Variants in RPS6KB1 observed in about 807,000 individuals in gnomAD.
The protein encoded by RPS6KB1 is ribosomal protein S6 kinase B1.
In RPS6KB1, 12 loss-of-function variants were observed where a neutral mutation model predicts 70.2. The ratio of observed to expected loss-of-function variants is 0.17; its 90% CI spans 0.11 to 0.28. The LOEUF is 0.28. Ranked by LOEUF, RPS6KB1 falls within the 10% of genes least tolerant of loss-of-function variation. The pLI is 1.00. For missense variants in RPS6KB1, 270 were observed against 646.6 expected, an observed-to-expected ratio of 0.42 and a Z score of 6.32; for synonymous variants, 175 against 211.2, an observed-to-expected ratio of 0.83 and a Z score of 1.49.
intron 14 of RPS6KB1, among the ~76,000 whole-genome samples, chr17:59,945,845 A>G (rs562522987): frequency 6.6e-6 from 1 of 152,318 alleles, no homozygotes; most frequent in East Asian, 1.9e-4. Flanking sequence ...TAATACAGGA[A>G]TTGTCCCTGT....
chr17:59,935,179 T>G lies in RPS6KB1; in HGVS notation c.871-14T>G, dbSNP rs768021982. ...TCTCCCTGCTAATATTTTTCACTTG[T>G]CTTCTACTCTTAGCCCCCATTCACT... On this transcript the variant is annotated splice_polypyrimidine_tract_variant and intron_variant, in intron 9 of 14. Coordinates refer to ENST00000225577, the MANE Select transcript of RPS6KB1 (RefSeq NM_003161.4). The G allele has an allele frequency of 1.3e-6, 2 of 1,517,084 alleles. No individual in the cohort carries two copies. The highest frequency in any genetic ancestry group is 4.5e-5 in the East Asian group (2 of 44,314). The allele number at this position is 1,517,084 out of a possible 1,614,324, so 94.0% of individuals were successfully genotyped here. A position where few individuals can be genotyped will look rare whatever the true frequency, so the allele number is the denominator to read the frequency against.
In RPS6KB1 at chr17:59,914,619, C is replaced by G; in HGVS notation, c.313-16C>G. The G allele has an allele frequency of 6.2e-7, 1 of 1,605,200 alleles. No individual in the cohort carries two copies. Among genetic ancestry groups the G allele is most frequent in the Non-Finnish European group, 8.5e-7 (1 of 1,172,954 alleles). On this transcript the variant is annotated splice_polypyrimidine_tract_variant and intron_variant, in intron 3 of 14. Coordinates refer to ENST00000225577, the MANE Select transcript of RPS6KB1 (RefSeq NM_003161.4). ...ATAGTTTGCCTTTGAATAACACACA[C>G]TTTTTTTTAATCCAGGTTTTTCAAG...
In RPS6KB1 at chr17:59,936,215, C is replaced by T. The variant is rs1221786696; in HGVS notation, c.979C>T (p.Leu327=). Residue 327 remains leucine (L), a splice_region_variant and synonymous_variant, in exon 11 of 15, where the codon CTG becomes TTG. Coordinates refer to ENST00000225577, the MANE Select transcript of RPS6KB1 (RefSeq NM_003161.4). ...TQEARDLLKK[L]LKRNAASRLG... The stretch of plus-strand genomic sequence containing the variant: ...TCCAAGCTTTTTTTCCTCTTTAAAG[C>T]TGCTGAAAAGAAATGCTGCTTCTCG... 1.3e-6 allele frequency: 2 copies of T among 1,593,548 alleles called. No individual in the cohort carries two copies. Among genetic ancestry groups the T allele is most frequent in the Non-Finnish European group, 1.7e-6 (2 of 1,175,106 alleles).
chr17:59,939,119 T>C (rs2044428599), intron 12 of RPS6KB1, among the ~76,000 whole-genome samples: 1 of 152,210 alleles, frequency 6.6e-6, no homozygotes, highest in Non-Finnish European at 1.5e-5. Flanking sequence ...TGTTTGATTC[T>C]TTCCTAGTTT....
chr17:59,897,092 G>A (rs2041608733), intron 1 of RPS6KB1, among the ~76,000 whole-genome samples: 1 of 152,182 alleles, frequency 6.6e-6, no homozygotes, highest in Admixed American at 6.6e-5. Context: ...CCATATGATA[G>A]CCAAAGATCA....
At chr17:59,912,837 C>A in intron 3 of RPS6KB1, 33 bp downstream of exon 3, 1 of 1,610,506 alleles carries the variant, frequency 6.2e-7, no homozygotes, top group South Asian at 1.1e-5. Context: ...GAGCTGTTGT[C>A]TGTCTTGAAT....
At position 59,934,027 on chromosome 17, in the gene RPS6KB1, GGTAC is replaced by G. The variant is rs982264102; in HGVS notation, c.689-142_689-139del. 5.3e-5 allele frequency: 34 copies of G among 639,804 alleles called. No homozygotes were observed. The African/African-American group carries it at 5.7e-4, about 11-fold the overall frequency. 39.6% of individuals were successfully genotyped at this position (639,804 alleles called of 1,614,324 possible). On this transcript the variant is annotated intron_variant, in intron 7 of 14. Coordinates refer to ENST00000225577, the MANE Select transcript of RPS6KB1 (RefSeq NM_003161.4). This position sits in a 1 kb window ranked among gnomAD's most constrained non-coding sequence, Gnocchi z 4.8. Reference sequence around the variant, plus strand: ...ACAGTTAGCATCCCATTTTATGGATGGTACCTTGTTCTTGACATCTGCAAGAAAA... The same window carrying G: ...ACAGTTAGCATCCCATTTTATGGATGCTTGTTCTTGACATCTGCAAGAAAA...
At chr17:59,910,724 C>A in intron 2 of RPS6KB1, 113 bp downstream of exon 2, 1 of 675,352 alleles carries the variant, frequency 1.5e-6, no homozygotes, top group Non-Finnish European at 2.5e-6. Flanking sequence ...AATATGTAGT[C>A]ATATTTATCA....
At chr17:59,904,334 C>T (rs985121505) in intron 1 of RPS6KB1, among the ~76,000 whole-genome samples, 10 of 151,988 alleles carry the variant, frequency 6.6e-5, no homozygotes, top group African/African-American at 2.4e-4. Flanking sequence ...CCTCCTTGGC[C>T]TCCCAAAGTG....
intron 13 of RPS6KB1, among the ~76,000 whole-genome samples, chr17:59,944,202 C>A (rs576901112): frequency 9.5e-4 from 145 of 152,170 alleles, no homozygotes; most frequent in African/African-American, 3.3e-3. Context: ...TCACTCAGAG[C>A]TTTGCTGAGT....
At chr17:59,919,476 A>AT (rs1371154588) in intron 4 of RPS6KB1, among the ~76,000 whole-genome samples, 1 of 152,062 alleles carries the variant, frequency 6.6e-6, no homozygotes, top group African/African-American at 2.4e-5. Context: ...ATAAGTAAAT[A>AT]TTGTCTGTAG....
rs535213123 is a variant in RPS6KB1 at position 59,946,568 on chromosome 17, C to G, written c.1358C>G (p.Pro453Arg). The change falls in exon 15 of 15, where the codon CCT becomes CGT. Residue 453 changes from proline to arginine, a missense_variant. This residue lies in a region of RPS6KB1 where 133 missense variants were observed against 314.7 expected (regional missense o/e 0.42). Coordinates refer to ENST00000225577, the MANE Select transcript of RPS6KB1 (RefSeq NM_003161.4). This position sits in a 1 kb window ranked among gnomAD's most constrained non-coding sequence, Gnocchi z 4.2. ...RTPVSPVKFS[P>R]GDFWGRGASA... Reference sequence around the variant, plus strand: ...TCTTAAAGCCCAGTCAAATTTTCTCCTGGGGATTTCTGGGGAAGAGGTGCT... The same window carrying G: ...TCTTAAAGCCCAGTCAAATTTTCTCGTGGGGATTTCTGGGGAAGAGGTGCT... The G allele has an allele frequency of 1.2e-6, 2 of 1,614,048 alleles. No individual in the cohort carries two copies. Among genetic ancestry groups the G allele is most frequent in the Non-Finnish European group, 1.7e-6 (2 of 1,179,958 alleles).
At chr17:59,914,081 A>G (rs754547559) in intron 3 of RPS6KB1, among the ~76,000 whole-genome samples, 32 of 152,178 alleles carry the variant, frequency 2.1e-4, no homozygotes, top group Non-Finnish European at 3.1e-4. Flanking sequence ...GGTTGAATCC[A>G]CGGCTGCTGA....
intron 5 of RPS6KB1, 47 bp downstream of exon 5, chr17:59,926,629 C>G: frequency 6.9e-7 from 1 of 1,454,956 alleles, no homozygotes; most frequent in East Asian, 2.3e-5. Flanking sequence ...GCTCCAGAAA[C>G]TGGGTCAAAA....
chr17:59,935,766 A>G (rs117157405), intron 10 of RPS6KB1, among the ~76,000 whole-genome samples: 2,740 of 151,502 alleles, frequency 0.018, 52 homozygotes, highest in Non-Finnish European at 0.031. Flanking sequence ...ACAGACCCTT[A>G]AACAATATTA....
chr17:59,914,389 TTATATATTAA>T lies in RPS6KB1; in HGVS notation c.313-241_313-232del, dbSNP rs1234115265. On this transcript the variant is annotated intron_variant, in intron 3 of 14. Transcript: ENST00000225577. ...TTTATAGCTTGTTCTAAGTAGGATT[TTATATATTAA>T]TATAAAGTAACAGTGTTTATTATTA... is the stretch of plus-strand genomic sequence containing the variant. Among the ~76,000 whole-genome samples, 2 of 152,300 alleles carry T rather than the reference TTATATATTAA, an allele frequency of 1.3e-5. 1 individual carries two copies. Among genetic ancestry groups the T allele is most frequent in the Non-Finnish European group, 2.9e-5 (2 of 68,022 alleles).
At chr17:59,913,079 G>T (rs1284452568) in intron 3 of RPS6KB1, among the ~76,000 whole-genome samples, 1 of 152,106 alleles carries the variant, frequency 6.6e-6, no homozygotes, top group Non-Finnish European at 1.5e-5. Flanking sequence ...TATTATTAAA[G>T]GGTTCATTCT....
chr17:59,903,869 C>T lies in RPS6KB1; in HGVS notation c.142-6693C>T, dbSNP rs138150678. On this transcript the variant is annotated intron_variant, in intron 1 of 14. Coordinates refer to ENST00000225577, the MANE Select transcript of RPS6KB1 (RefSeq NM_003161.4). ...GGAGAAATACCTATTCAGATCCTAGCTCATTTTTCAAAAATTGGGTGTGTC... is the reference window on the plus strand; with the variant it reads ...GGAGAAATACCTATTCAGATCCTAGTTCATTTTTCAAAAATTGGGTGTGTC... Among the ~76,000 whole-genome samples, 1,130 of 152,062 alleles carry T rather than the reference C, an allele frequency of 7.4e-3. 16 individuals are homozygous for T. The highest frequency in any genetic ancestry group is 0.026 in the African/African-American group (1,081 of 41,530).
intron 1 of RPS6KB1, chr17:59,894,005 G>A: frequency 1.1e-6 from 1 of 883,358 alleles, no homozygotes; most frequent in Non-Finnish European, 1.4e-6. Context: ...CACGGCACTT[G>A]TAACCTTTCC....
Sources: gnomAD v4.1 joint callset for allele counts (sites outside exome capture counted in the v4.1 genomes callset) on GRCh38, gnomAD v4.1.1 for gene constraint, gnomAD v4.1.1 regional missense constraint, Gnocchi (gnomAD v3.1) non-coding constraint, MANE v1.5 for transcripts, NCBI Gene and HGNC (gene_info 2026-07-23, HGNC 2026-07-21) for gene names.